OSBP2: variants seen among roughly 807,000 people sequenced by gnomAD.
OSBP2 encodes the protein oxysterol binding protein 2, also known as oxysterol-binding protein 2.
A neutral mutation model predicts 96.0 loss-of-function variants in OSBP2; 66 were observed. The ratio of observed to expected loss-of-function variants is 0.69; its 90% CI spans 0.56 to 0.84. The LOEUF is 0.84. OSBP2 is among the 40% of genes least tolerant of loss of function. OSBP2 has a pLI of 0.00. For synonymous variants in OSBP2, 525 were observed against 520.9 expected (o/e 1.01, Z -0.11); for missense variants, 1,038 against 1,222.7 (o/e 0.85, Z 2.25).
intron 2 of OSBP2, among the ~76,000 whole-genome samples, chr22:30,746,880 A>C (rs1408519730): frequency 3.3e-5 from 5 of 152,178 alleles, no homozygotes; most frequent in African/African-American, 1.2e-4. Context: ...AAAAGTATAA[A>C]CCATTATCCT....
chr22:30,896,190 T>C (rs2147174293), intron 12 of OSBP2, among the ~76,000 whole-genome samples: 1 of 152,044 alleles, frequency 6.6e-6, no homozygotes, highest in Middle Eastern at 3.4e-3. Flanking sequence ...CGCCTAATTT[T>C]TGTATTTTTA....
At position 30,725,561 on chromosome 22, in the gene OSBP2, C is replaced by CA. The variant is rs1555908284; in HGVS notation, c.645-15592dup. Among the ~76,000 whole-genome samples the CA allele has an allele frequency of 6.2e-3, 928 of 150,622 alleles. 12 individuals are homozygous for CA. The highest frequency in any genetic ancestry group is 0.021 in the African/African-American group (860 of 41,060). ...AAACAAAAACAAAAAAAAAAACACA[C>CA]AAAAAAAACAAATTCTAGTTCTGCC... is the stretch of plus-strand genomic sequence containing the variant. On this transcript the variant is annotated intron_variant, in intron 1 of 13. Transcript: ENST00000332585.
chr22:30,826,923 A>G (rs1464335760), intron 2 of OSBP2, among the ~76,000 whole-genome samples: 1 of 152,154 alleles, frequency 6.6e-6, no homozygotes, highest in African/African-American at 2.4e-5. Context: ...CCCACTGTGG[A>G]ACTCTGGAAC....
intron 2 of OSBP2, among the ~76,000 whole-genome samples, chr22:30,845,956 C>A (rs1220629616): frequency 6.6e-6 from 1 of 150,878 alleles, no homozygotes; most frequent in East Asian, 1.9e-4. Context: ...TTTATCCATT[C>A]ATCAGTTGAT....
intron 1 of OSBP2, among the ~76,000 whole-genome samples, chr22:30,716,497 G>T (rs975555352): frequency 6.6e-5 from 10 of 151,844 alleles, no homozygotes; most frequent in Admixed American, 4.6e-4. Context: ...GAGTGCAATG[G>T]CTCAATCTCG....
At chr22:30,801,176 T>G (rs1163059849) in intron 2 of OSBP2, among the ~76,000 whole-genome samples, 1 of 152,240 alleles carries the variant, frequency 6.6e-6, no homozygotes, top group East Asian at 1.9e-4. Flanking sequence ...ATTTAATACC[T>G]GCAACCATTG....
At chr22:30,822,846 C>A in intron 2 of OSBP2, 2 of 706,502 alleles carry the variant, frequency 2.8e-6, no homozygotes, top group Non-Finnish European at 4.3e-6. Context: ...GCGCGGGGAG[C>A]CTCGGGGAAC....
chr22:30,734,636 T>G (rs2089824554), intron 1 of OSBP2, among the ~76,000 whole-genome samples: 1 of 152,200 alleles, frequency 6.6e-6, no homozygotes, highest in East Asian at 1.9e-4. Context: ...CATCCCTAAA[T>G]TTTAGACCCT....
chr22:30,879,021 TCAGA>T (rs998841405), intron 3 of OSBP2, among the ~76,000 whole-genome samples: 2 of 152,156 alleles, frequency 1.3e-5, no homozygotes, highest in African/African-American at 4.8e-5. Flanking sequence ...CCTGGGGCCC[TCAGA>T]CAGGGCTTCT....
Position 30,893,701 on chromosome 22 carries a change from T to C in OSBP2, c.2158T>C (p.Tyr720His), listed in dbSNP as rs2040005180. The C allele has an allele frequency of 1.2e-6, 2 of 1,614,174 alleles. No individual in the cohort carries two copies. Among genetic ancestry groups the C allele is most frequent in the Middle Eastern group, 3.3e-4 (2 of 6,062 alleles). ...CCGGTGCCAGCTGAAGTTCCTGCCCTACAGCTACTTCTCCAAAGAGGCAGC... is the reference window on the plus strand; with the variant it reads ...CCGGTGCCAGCTGAAGTTCCTGCCCCACAGCTACTTCTCCAAAGAGGCAGC... ...NDRCQLKFLP[Y>H]SYFSKEAARK... Residue 720 changes from tyrosine to histidine, a missense_variant, in exon 11 of 14, where the codon TAC (tyrosine) becomes CAC (histidine). Around this residue, in one of 3 missense-constraint regions of OSBP2, gnomAD observed 737 missense variants for 913.3 expected, o/e 0.81. Transcript: ENST00000332585.
chr22:30,873,608 C>A (rs1268552038), intron 3 of OSBP2, among the ~76,000 whole-genome samples: 2 of 152,216 alleles, frequency 1.3e-5, no homozygotes, highest in African/African-American at 4.8e-5. Flanking sequence ...CTCCCCAGCC[C>A]CATCCTGACT....
intron 2 of OSBP2, among the ~76,000 whole-genome samples, chr22:30,868,723 G>A (rs1191682065): frequency 3.9e-5 from 6 of 152,260 alleles, no homozygotes; most frequent in Non-Finnish European, 7.4e-5. Context: ...GGCCAGAGGG[G>A]GACAGGGTAT....
intron 2 of OSBP2, among the ~76,000 whole-genome samples, chr22:30,837,065 A>G (rs764126592): frequency 5.9e-5 from 9 of 152,222 alleles, no homozygotes; most frequent in Non-Finnish European, 1.5e-5. Flanking sequence ...AGCCTGGCCA[A>G]CATGGCGAAA....
intron 2 of OSBP2, among the ~76,000 whole-genome samples, chr22:30,857,623 C>T (rs986192207): frequency 6.6e-6 from 1 of 152,224 alleles, no homozygotes; most frequent in Non-Finnish European, 1.5e-5. Context: ...ATGCTTGTAG[C>T]CTCCTCATTG....
Position 30,707,990 on chromosome 22 carries a change from C to A in OSBP2, c.644+12437C>A, listed in dbSNP as rs534213747. On this transcript the variant is annotated intron_variant, in intron 1 of 13. Coordinates refer to ENST00000332585, the MANE Select transcript of OSBP2 (RefSeq NM_030758.4). ...GCAACCTCTACTTCCTGGGTTCAAG[C>A]GAGTCTCCTGCCTCACCCTCCCGAG... 2.0e-5 allele frequency among the ~76,000 whole-genome samples: 3 copies of A among 151,856 alleles called. No individual in the cohort carries two copies. The South Asian group carries it at 6.3e-4, about 32-fold the overall frequency.
rs925984603 is a variant in OSBP2, at chr22:30,769,928, G to A, written c.853+28559G>A. Among the ~76,000 whole-genome samples, 3 of 152,050 alleles carry A rather than the reference G, an allele frequency of 2.0e-5. No homozygotes were observed. The East Asian group carries it at 5.8e-4, about 29-fold the overall frequency. ...ATAATTGCCACGTGTTGAGGGTGGGGCCAGGTGGAGATAATTGAATCATGG... is the reference window on the plus strand; with the variant it reads ...ATAATTGCCACGTGTTGAGGGTGGGACCAGGTGGAGATAATTGAATCATGG... On this transcript the variant is annotated intron_variant, in intron 2 of 13. Coordinates refer to ENST00000332585, the MANE Select transcript of OSBP2 (RefSeq NM_030758.4).
At chr22:30,697,553 A>G (rs560887288) in intron 1 of OSBP2, among the ~76,000 whole-genome samples, 10 of 152,300 alleles carry the variant, frequency 6.6e-5, no homozygotes, top group Non-Finnish European at 1.2e-4. Flanking sequence ...TCTTTTCTTA[A>G]AACAAAATGT....
chr22:30,887,110 T>A (rs2039827618), intron 3 of OSBP2, among the ~76,000 whole-genome samples: 1 of 152,198 alleles, frequency 6.6e-6, no homozygotes, highest in African/African-American at 2.4e-5. Flanking sequence ...TGCCATGGCA[T>A]CTGTGAACTG....
chr22:30,851,144 T>C (rs1000589880), intron 2 of OSBP2, among the ~76,000 whole-genome samples: 2 of 152,060 alleles, frequency 1.3e-5, no homozygotes, highest in African/African-American at 4.8e-5. Context: ...TCACTGCAAC[T>C]TCCTCCTCCC....
Sources: allele counts gnomAD v4.1 joint callset (sites outside exome capture counted in the v4.1 genomes callset), GRCh38; gene constraint gnomAD v4.1.1; regional missense constraint gnomAD v4.1.1; transcripts MANE v1.5; gene names NCBI Gene and HGNC (gene_info 2026-07-23, HGNC 2026-07-21).